RAD51B: variants seen among roughly 807,000 people sequenced by gnomAD.
RAD51B encodes DNA repair protein RAD51 homolog 2.
A neutral mutation model predicts 42.2 loss-of-function variants in RAD51B; 38 were observed. That is an observed-to-expected ratio of 0.90 (90% CI 0.70 to 1.18). The LOEUF (loss-of-function observed/expected upper bound fraction) is 1.18, where lower values mean the gene tolerates loss of function less well. Ranked by LOEUF, RAD51B falls within the 50% of genes most tolerant of loss-of-function variation. The pLI, the probability that RAD51B is intolerant of heterozygous loss-of-function variation, is 0.00. For missense variants in RAD51B, 373 were observed against 400.7 expected, an observed-to-expected ratio of 0.93 and a Z score of 0.59; for synonymous variants, 154 against 145.2, an observed-to-expected ratio of 1.06 and a Z score of -0.43.
chr14:68,104,920 G>C (rs2077351254), intron 7 of RAD51B, among the ~76,000 whole-genome samples: 1 of 152,074 alleles, frequency 6.6e-6, no homozygotes, highest in South Asian at 2.1e-4. Flanking sequence ...ACAGGAGTTG[G>C]AGAAATTCAT....
At chr14:68,134,720 C>T (rs187280263) in intron 7 of RAD51B, among the ~76,000 whole-genome samples, 9 of 151,476 alleles carry the variant, frequency 5.9e-5, no homozygotes, top group East Asian at 1.9e-4. Context: ...CTATATATCC[C>T]GCTTGAGTGA....
At chr14:68,284,601 T>A (rs1359650018) in intron 7 of RAD51B, among the ~76,000 whole-genome samples, 2 of 152,148 alleles carry the variant, frequency 1.3e-5, no homozygotes. Context: ...ACAAGAAAAA[T>A]TCCCCACAGC....
intron 7 of RAD51B, among the ~76,000 whole-genome samples, chr14:68,067,208 A>T (rs1049309662): frequency 2.6e-5 from 4 of 152,194 alleles, no homozygotes; most frequent in Non-Finnish European, 5.9e-5. Flanking sequence ...CATGCCTGTA[A>T]TCCCAGCACT....
chr14:68,501,873 C>G (rs141346582), intron 10 of RAD51B, among the ~76,000 whole-genome samples: 1 of 152,274 alleles, frequency 6.6e-6, no homozygotes, highest in East Asian at 1.9e-4. Flanking sequence ...CTGCAAGGAA[C>G]TAGAGCAGAA....
At position 68,235,423 on chromosome 14, in the gene RAD51B, G is replaced by C. The variant is rs982324769; in HGVS notation, c.757-56461G>C. Among the ~76,000 whole-genome samples, 8 of 151,846 alleles carry C rather than the reference G, an allele frequency of 5.3e-5. No homozygotes were observed. The East Asian group carries it at 1.6e-3, about 30-fold the overall frequency. ...TTTCCTCTTAAGAGCTGAGATCTTC[G>C]GCCGGGCGCGGTGGCTCACGCCTGT... is the stretch of plus-strand genomic sequence containing the variant. On this transcript the variant is annotated intron_variant, in intron 7 of 10. Transcript: ENST00000471583.
At chr14:68,466,571 T>G (rs1594879705) in intron 9 of RAD51B, among the ~76,000 whole-genome samples, 1 of 152,214 alleles carries the variant, frequency 6.6e-6, no homozygotes, top group South Asian at 2.1e-4. Context: ...CTTCCCTCTC[T>G]CATGCTGCCT....
At chr14:68,607,409 C>A (rs991658040) in intron 10 of RAD51B, among the ~76,000 whole-genome samples, 4 of 152,174 alleles carry the variant, frequency 2.6e-5, no homozygotes, top group East Asian at 1.9e-4. Context: ...CTTCTTTCTC[C>A]TTTCACAAGG....
At chr14:68,183,300 G>A (rs1253243917) in intron 7 of RAD51B, among the ~76,000 whole-genome samples, 1 of 152,144 alleles carries the variant, frequency 6.6e-6, no homozygotes, top group Admixed American at 6.5e-5. Flanking sequence ...TAAGTCAAGA[G>A]TCTAAAAGCT....
intron 7 of RAD51B, among the ~76,000 whole-genome samples, chr14:68,105,621 G>A (rs1246666374): frequency 6.6e-6 from 1 of 151,736 alleles, no homozygotes; most frequent in Non-Finnish European, 1.5e-5. Context: ...AAGGATGAAA[G>A]GAAGACTTTC....
At chr14:67,883,468 C>A (rs2140045379) in intron 5 of RAD51B, among the ~76,000 whole-genome samples, 1 of 152,222 alleles carries the variant, frequency 6.6e-6, no homozygotes, top group South Asian at 2.1e-4. Context: ...TCAGACACAC[C>A]AGGCATCTTT....
chr14:68,308,158 T>A (rs2081904650), intron 8 of RAD51B, among the ~76,000 whole-genome samples: 2 of 152,214 alleles, frequency 1.3e-5, no homozygotes, highest in Admixed American at 1.3e-4. Flanking sequence ...ATTACATAAC[T>A]CCCAACTTGA....
intron 5 of RAD51B, among the ~76,000 whole-genome samples, chr14:67,867,426 A>T (rs2042364784): frequency 6.6e-6 from 1 of 152,190 alleles, no homozygotes; most frequent in African/African-American, 2.4e-5. Context: ...GCACATTTTC[A>T]GACATCGGAT....
intron 7 of RAD51B, chr14:68,236,156 T>C (rs1165940051): frequency 6.6e-6 from 1 of 152,166 alleles, no homozygotes; most frequent in Non-Finnish European, 1.5e-5. Flanking sequence ...TAAACTCCCA[T>C]GACAGGCCAT....
rs143521058 is a variant in RAD51B, at chr14:67,829,723, G to A, written c.198+4146G>A. ...TTACTGAATGTCAAGCATGTATTAG[G>A]TACTTTGTCAGGCACCAAGGCTATC... On this transcript the variant is annotated intron_variant, in intron 3 of 10. Transcript: ENST00000471583. 4.6e-5 allele frequency among the ~76,000 whole-genome samples: 7 copies of A among 152,146 alleles called. No individual in the cohort carries two copies. The East Asian group carries it at 1.4e-3, about 29-fold the overall frequency.
intron 7 of RAD51B, among the ~76,000 whole-genome samples, chr14:68,102,466 G>A (rs1354053485): frequency 6.6e-6 from 1 of 152,138 alleles, no homozygotes; most frequent in Non-Finnish European, 1.5e-5. Flanking sequence ...AATTCCACCA[G>A]TCTGTTTTCT....
chr14:68,362,782 G>C (rs546571565), intron 8 of RAD51B, among the ~76,000 whole-genome samples: 13 of 152,152 alleles, frequency 8.5e-5, no homozygotes, highest in African/African-American at 3.1e-4. Context: ...CCAGGAGGCA[G>C]AGGTTGCAGT....
chr14:68,380,914 G>A (rs759295498), intron 8 of RAD51B, among the ~76,000 whole-genome samples: 9 of 152,140 alleles, frequency 5.9e-5, no homozygotes, highest in Non-Finnish European at 1.3e-4. Flanking sequence ...AATGAGATGG[G>A]CACTTCAAAT....
intron 10 of RAD51B, among the ~76,000 whole-genome samples, chr14:68,630,318 G>A (rs1892196854): frequency 6.6e-6 from 1 of 152,120 alleles, no homozygotes; most frequent in Non-Finnish European, 1.5e-5. Context: ...TCACCACTCT[G>A]TTGGCCAGTG....
chr14:68,352,839 G>A (rs2082817761), intron 8 of RAD51B, among the ~76,000 whole-genome samples: 1 of 152,102 alleles, frequency 6.6e-6, no homozygotes, highest in Admixed American at 6.5e-5. Flanking sequence ...TATCTTTTCT[G>A]AGGACCCCAA....
Sources: allele counts gnomAD v4.1 joint callset (sites outside exome capture counted in the v4.1 genomes callset), GRCh38; gene constraint gnomAD v4.1.1; transcripts MANE v1.5; gene names NCBI Gene and HGNC (gene_info 2026-07-23, HGNC 2026-07-21).